Variants in TTC7A observed in about 807,000 individuals in gnomAD.
TTC7A encodes tetratricopeptide repeat protein 7A.
TTC7A carries 110 observed loss-of-function variants against 103.7 expected under a neutral mutation model. The observed-to-expected ratio is 1.06, with a 90% CI of 0.91 to 1.24. The LOEUF (loss-of-function observed/expected upper bound fraction) is 1.24, where lower values mean the gene tolerates loss of function less well. Among genes scored for constraint, TTC7A ranks in the 50% most tolerant of loss-of-function variants. TTC7A has a pLI of 0.00. For synonymous variants in TTC7A, 521 were observed against 467.9 expected, an observed-to-expected ratio of 1.11 and a Z score of -1.47; for missense variants, 1,340 against 1,116.3, an observed-to-expected ratio of 1.20 and a Z score of -2.86.
chr2:47,042,025 G>A (rs1277081034), intron 15 of TTC7A, among the ~76,000 whole-genome samples: 1 of 152,154 alleles, frequency 6.6e-6, no homozygotes, highest in African/African-American at 2.4e-5. Context: ...TGGAGCTACA[G>A]AAAGGAAAAG....
intron 2 of TTC7A, among the ~76,000 whole-genome samples, chr2:46,927,671 A>C (rs1307741154): frequency 6.6e-6 from 1 of 151,934 alleles, no homozygotes; most frequent in Non-Finnish European, 1.5e-5. Flanking sequence ...AAAAAAGATT[A>C]TTATTAAAGG....
At chr2:46,994,105 C>G in intron 6 of TTC7A, 1 of 478,352 alleles carries the variant, frequency 2.1e-6, no homozygotes, top group Non-Finnish European at 3.7e-6. Context: ...AAATGCTCCT[C>G]TTGTCTAGGA....
chr2:47,046,396 G>C lies in TTC7A; in HGVS notation c.1884G>C (p.Arg628Ser). 3.1e-6 allele frequency: 5 copies of C among 1,614,216 alleles called. No homozygotes were observed. The highest frequency in any genetic ancestry group is 4.2e-6 in the Non-Finnish European group (5 of 1,180,022). The change falls in exon 16 of 20, where the codon AGG (arginine) becomes AGC (serine). Residue 628 changes from arginine (R) to serine (S), a missense_variant. Coordinates refer to ENST00000319190, the MANE Select transcript of TTC7A (RefSeq NM_020458.4). Reference protein sequence around the residue: ...EALVTCRQVLRLWQTLYSFSQ... With the variant: ...EALVTCRQVLSLWQTLYSFSQ... ...TCGTGACCTGCAGACAAGTGCTGAG[G>C]CTGTGGCAGACCCTGTACAGCTTCT...
At chr2:46,943,553 C>G (rs1396457752) in intron 1 of TTC7A, among the ~76,000 whole-genome samples, 2 of 152,186 alleles carry the variant, frequency 1.3e-5, no homozygotes, top group African/African-American at 4.8e-5. Context: ...GTCATACATG[C>G]ATATGCACAC....
At chr2:47,006,823 T>C in intron 10 of TTC7A, 99 bp downstream of exon 10, 1 of 971,668 alleles carries the variant, frequency 1.0e-6, no homozygotes, top group Admixed American at 1.9e-5. Flanking sequence ...GGGTGGGTAT[T>C]ATCCTGCCGC....
intron 2 of TTC7A, among the ~76,000 whole-genome samples, chr2:46,920,809 C>G (rs1422142197): frequency 6.6e-6 from 1 of 152,070 alleles, no homozygotes; most frequent in Non-Finnish European, 1.5e-5. Flanking sequence ...TCTCCCCTGC[C>G]TGAGGATATT....
intron 9 of TTC7A, 137 bp downstream of exon 9, chr2:47,006,196 T>A: frequency 6.3e-6 from 7 of 1,112,694 alleles, no homozygotes; most frequent in Admixed American, 2.7e-5. Flanking sequence ...CGGCAAGTTG[T>A]ACAAGTCTCA....
intron 17 of TTC7A, chr2:47,050,941 A>G (rs1196757456): frequency 6.6e-6 from 1 of 152,366 alleles, no homozygotes; most frequent in Middle Eastern, 3.4e-3. Context: ...TATTGCGTCT[A>G]TGACAGAGAG....
At chr2:46,928,713 T>G (rs903606236) in intron 2 of TTC7A, among the ~76,000 whole-genome samples, 1 of 151,628 alleles carries the variant, frequency 6.6e-6, no homozygotes, top group Admixed American at 6.6e-5. Context: ...GAGGCTGCAG[T>G]GAGCTGTGAT....
chr2:47,004,332 C>T (rs1427638573), intron 8 of TTC7A, among the ~76,000 whole-genome samples: 3 of 152,300 alleles, frequency 2.0e-5, no homozygotes, highest in East Asian at 3.9e-4. Flanking sequence ...GGACTCCCTC[C>T]AGCCCTGCGC....
intron 11 of TTC7A, among the ~76,000 whole-genome samples, chr2:47,021,255 C>T (rs944681240): frequency 8.5e-5 from 13 of 152,230 alleles, no homozygotes. Context: ...CCTAAACCGG[C>T]CTGACTCCTA....
At chr2:46,934,562 C>T (rs1669869507) in intron 2 of TTC7A, among the ~76,000 whole-genome samples, 1 of 152,098 alleles carries the variant, frequency 6.6e-6, no homozygotes, top group South Asian at 2.1e-4. Context: ...GTGTGAGCCA[C>T]CCAACCCGGC....
intron 8 of TTC7A, among the ~76,000 whole-genome samples, chr2:46,996,676 G>A (rs971030527): frequency 6.6e-6 from 1 of 152,226 alleles, no homozygotes; most frequent in African/African-American, 2.4e-5. Context: ...TAAAATGTTT[G>A]CCTGTGAGGT....
At chr2:47,000,583 G>A (rs2104422299) in intron 8 of TTC7A, among the ~76,000 whole-genome samples, 1 of 152,356 alleles carries the variant, frequency 6.6e-6, no homozygotes, top group African/African-American at 2.4e-5. Context: ...TCTTGGCTCT[G>A]TGGACTGGCA....
intron 5 of TTC7A, among the ~76,000 whole-genome samples, chr2:46,984,218 G>A (rs1674772387): frequency 6.6e-6 from 1 of 152,258 alleles, no homozygotes; most frequent in Non-Finnish European, 1.5e-5. Context: ...TTATCTGATA[G>A]GCTACACTGC....
intron 15 of TTC7A, among the ~76,000 whole-genome samples, chr2:47,036,877 G>A (rs966525053): frequency 6.6e-6 from 1 of 152,164 alleles, no homozygotes; most frequent in African/African-American, 2.4e-5. Flanking sequence ...GCATGTGTTG[G>A]ATTTAACATG....
intron 1 of TTC7A, among the ~76,000 whole-genome samples, chr2:46,947,771 T>A (rs956367785): frequency 5.3e-4 from 80 of 152,300 alleles, no homozygotes; most frequent in African/African-American, 1.9e-3. Context: ...TAAAAATGAA[T>A]TGCTAGAAAA....
intron 5 of TTC7A, among the ~76,000 whole-genome samples, chr2:46,988,823 A>T (rs1414951174): frequency 6.6e-6 from 1 of 152,194 alleles, no homozygotes; most frequent in African/African-American, 2.4e-5. Context: ...AAAAGAGAGG[A>T]AAATCTGAAC....
At chr2:46,979,651 AG>A (rs1674241450) in intron 5 of TTC7A, among the ~76,000 whole-genome samples, 1 of 152,112 alleles carries the variant, frequency 6.6e-6, no homozygotes, top group Non-Finnish European at 1.5e-5. Flanking sequence ...GGGTGGTGGC[AG>A]GGGAAGGAGA....
Sources: allele counts gnomAD v4.1 joint callset (sites outside exome capture counted in the v4.1 genomes callset), GRCh38; gene constraint gnomAD v4.1.1; transcripts MANE v1.5; gene names NCBI Gene and HGNC (gene_info 2026-07-23, HGNC 2026-07-21).